The following AK9 variants were observed in gnomAD, a reference collection of about 807,000 sequenced individuals.
AK9 encodes the protein adenylate kinase 9, also known as adenylate kinase domain containing 1.
AK9 carries 191 observed loss-of-function variants against 239.6 expected under a neutral mutation model. The ratio of observed to expected loss-of-function variants is 0.80; its 90% CI spans 0.71 to 0.90. AK9 has a LOEUF of 0.90. AK9 is among the 40% of genes least tolerant of loss of function. The pLI is 0.00. For missense variants in AK9, 1,995 were observed against 2,214.7 expected (o/e 0.90, Z 1.99); for synonymous variants, 689 against 721.0 (o/e 0.96, Z 0.71).
intron 5 of AK9, among the ~76,000 whole-genome samples, chr6:109,669,953 C>T (rs1168843068): frequency 6.6e-6 from 1 of 152,168 alleles, no homozygotes; most frequent in African/African-American, 2.4e-5. Flanking sequence ...GGCCCCCAGA[C>T]TCAGGAAACC....
chr6:109,650,947 T>G (rs979414961), intron 8 of AK9, among the ~76,000 whole-genome samples: 8 of 152,132 alleles, frequency 5.3e-5, no homozygotes, highest in Admixed American at 4.6e-4. Flanking sequence ...TGGATGAAAC[T>G]GGAAACCATC....
intron 17 of AK9, among the ~76,000 whole-genome samples, chr6:109,596,328 T>A (rs1390850074): frequency 6.6e-6 from 1 of 152,176 alleles, no homozygotes; most frequent in Non-Finnish European, 1.5e-5. Flanking sequence ...CAAGAGGGGA[T>A]CTGGGCATAG....
intron 26 of AK9, 87 bp downstream of exon 26, chr6:109,545,780 G>A (rs1783473124): frequency 1.4e-6 from 2 of 1,467,878 alleles, no homozygotes; most frequent in Non-Finnish European, 1.8e-6. Context: ...TCCTGTCTGG[G>A]TGACAGATGG....
At chr6:109,660,780 T>C (rs894091089) in intron 6 of AK9, among the ~76,000 whole-genome samples, 1 of 152,122 alleles carries the variant, frequency 6.6e-6, no homozygotes, top group African/African-American at 2.4e-5. Context: ...TTTGCAACAC[T>C]AATAGCTGGG....
chr6:109,644,227 C>G (rs188805587), intron 9 of AK9, among the ~76,000 whole-genome samples: 1 of 152,198 alleles, frequency 6.6e-6, no homozygotes, highest in Admixed American at 6.5e-5. Flanking sequence ...ACATCCTCAC[C>G]AACACTTTTT....
At chr6:109,619,369 A>G (rs1794557573) in intron 12 of AK9, 133 bp from the exon 13 acceptor site, 1 of 1,028,638 alleles carries the variant, frequency 9.7e-7, no homozygotes, top group African/African-American at 1.7e-5. Flanking sequence ...CTTGAGGTAT[A>G]TTTGGAGTTA....
At chr6:109,563,464 G>A in intron 24 of AK9, 133 bp downstream of exon 24, 1 of 1,332,386 alleles carries the variant, frequency 7.5e-7, no homozygotes, top group Non-Finnish European at 9.7e-7. Context: ...AAGTGAAGCT[G>A]AGGCAGAGGG....
intron 8 of AK9, among the ~76,000 whole-genome samples, chr6:109,645,340 G>A (rs149912669): frequency 6.6e-6 from 1 of 152,270 alleles, no homozygotes; most frequent in Non-Finnish European, 1.5e-5. Context: ...CTGGAAAATC[G>A]GGACACTCCT....
intron 17 of AK9, among the ~76,000 whole-genome samples, chr6:109,600,948 CT>C (rs1419730357): frequency 6.6e-6 from 1 of 152,014 alleles, no homozygotes; most frequent in Non-Finnish European, 1.5e-5. Context: ...TTTTTATTGT[CT>C]ATTTGATGCT....
intron 24 of AK9, among the ~76,000 whole-genome samples, chr6:109,555,235 G>T (rs967426901): frequency 2.0e-5 from 3 of 152,146 alleles, no homozygotes; most frequent in Non-Finnish European, 4.4e-5. Context: ...TGGTTTCAAA[G>T]AACTTCTTGA....
chr6:109,577,013 G>A (rs1414546262), intron 20 of AK9, among the ~76,000 whole-genome samples: 1 of 151,912 alleles, frequency 6.6e-6, no homozygotes, highest in Non-Finnish European at 1.5e-5. Context: ...TGTATTTTTA[G>A]TAGAGACGGG....
Position 109,514,326 on chromosome 6 carries a change from AT to A in AK9, c.4176del (p.Lys1392AsnfsTer3). On this transcript the variant is annotated frameshift_variant, in exon 32 of 41. Transcript: ENST00000424296. LOFTEE classifies it high-confidence loss of function. ...YFLSSKETKE[K>X]FMKNPIKYIR... ...ATATATTTGATTGGGTTCTTCATAAATTTTTCTTTTGTTTCTTTACTAGATA... is the reference window on the plus strand; with the variant it reads ...ATATATTTGATTGGGTTCTTCATAAATTTTCTTTTGTTTCTTTACTAGATA... 6.4e-7 allele frequency: 1 copy of A among 1,551,240 alleles called. No homozygotes were observed. The highest frequency in any genetic ancestry group is 8.7e-7 in the Non-Finnish European group (1 of 1,146,804).
At chr6:109,539,240 C>T (rs1036075269) in intron 27 of AK9, among the ~76,000 whole-genome samples, 1 of 152,186 alleles carries the variant, frequency 6.6e-6, no homozygotes, top group Non-Finnish European at 1.5e-5. Context: ...TCAGGTACAC[C>T]AATCAGACGT....
rs751423246 is a variant in AK9, at chr6:109,563,677, C to T, written c.2671G>A (p.Glu891Lys). The change falls in exon 24 of 41, where the codon GAA (glutamate) becomes AAA (lysine). Residue 891 changes from glutamate (E) to lysine (K), a missense_variant. By Grantham distance (56) the Glu-to-Lys change is moderately conservative (BLOSUM62 1). This residue lies in a region of AK9 where 1,290 missense variants were observed against 1,392.7 expected (regional missense o/e 0.93). Transcript: ENST00000424296. ...TCTTCTGTTTCTTCCTCATAATCTT[C>T]CCCAGTTAACTCCCATGCAGTATAT... is the stretch of plus-strand genomic sequence containing the variant. ...FQYTAWELTGEDYEEETEDYQ... is the reference protein window; with the variant it reads ...FQYTAWELTGKDYEEETEDYQ... 23 of 1,550,612 alleles carry T rather than the reference C, an allele frequency of 1.5e-5. No homozygotes were observed. The highest frequency in any genetic ancestry group is 1.8e-5 in the Non-Finnish European group (21 of 1,146,148).
Position 109,499,097 on chromosome 6 carries a change from C to G in AK9, c.4993G>C (p.Ala1665Pro). ...TAGTAGTGCCCCCTGAACTCTGCTG[C>G]AAATTCCAAGGAGTCAGTTGCAGAG... ...DCSATDSLEF[A>P]AEFRGHYYKM... Residue 1665 changes from alanine to proline, a missense_variant, in exon 36 of 41, where the codon GCA (alanine) becomes CCA (proline). Around this residue, in one of 5 missense-constraint regions of AK9, gnomAD observed 391 missense variants for 456.0 expected, o/e 0.86. Coordinates refer to ENST00000424296, the MANE Select transcript of AK9 (RefSeq NM_001145128.3). 1 of 1,605,370 alleles carries G rather than the reference C, an allele frequency of 6.2e-7. No homozygotes were observed. The highest frequency in any genetic ancestry group is 8.5e-7 in the Non-Finnish European group (1 of 1,175,484).
chr6:109,685,633 T>C (rs6568596), intron 1 of AK9, among the ~76,000 whole-genome samples: 63,342 of 151,896 alleles, frequency 0.42, 14,886 homozygotes, highest in African/African-American at 0.64. Context: ...ACGTAGGTGA[T>C]GGGTTGATGG....
At position 109,660,141 on chromosome 6, in the gene AK9, A is replaced by G. The variant is rs201104017; in HGVS notation, c.445-728T>C. ...ACTAAGAAACCAATCTCAGGTCACA[A>G]TGTCACATGGAGGAACTGCAACTTG... On this transcript the variant is annotated intron_variant, in intron 6 of 40. Transcript: ENST00000424296. Among the ~76,000 whole-genome samples, 356 of 152,342 alleles carry G rather than the reference A, an allele frequency of 2.3e-3. 1 individual carries two copies. Among genetic ancestry groups the G allele is most frequent in the African/African-American group, 8.3e-3 (347 of 41,586 alleles).
intron 17 of AK9, among the ~76,000 whole-genome samples, chr6:109,595,370 T>C (rs1790879782): frequency 6.6e-6 from 1 of 152,166 alleles, no homozygotes; most frequent in Non-Finnish European, 1.5e-5. Context: ...GGAGAGGACA[T>C]GGAGAAGTAG....
At chr6:109,548,050 CA>C (rs146510845) in intron 25 of AK9, among the ~76,000 whole-genome samples, 3,866 of 150,754 alleles carry the variant, frequency 0.026, 92 homozygotes, top group East Asian at 0.11. Context: ...ATCAAAAAGA[CA>C]AAAAAAATAG....
Sources: gnomAD v4.1 joint callset for allele counts (sites outside exome capture counted in the v4.1 genomes callset) on GRCh38, gnomAD v4.1.1 for gene constraint, gnomAD v4.1.1 regional missense constraint, MANE v1.5 for transcripts, NCBI Gene and HGNC (gene_info 2026-07-23, HGNC 2026-07-21) for gene names.